Variants in ULK2 observed in about 807,000 individuals in gnomAD.
ULK2 encodes unc-51 like autophagy activating kinase 2.
In ULK2, 76 loss-of-function variants were observed where a neutral mutation model predicts 127.5. That is an observed-to-expected ratio of 0.60 (90% CI 0.50 to 0.72). ULK2 has a LOEUF of 0.72. Among genes scored for constraint, ULK2 ranks in the 30% least tolerant of loss-of-function variants. The probability of loss-of-function intolerance (pLI) is 0.00; values close to 1 mark genes in which losing one functional copy is unlikely to be tolerated. For missense variants in ULK2, 1,144 were observed against 1,295.9 expected, an observed-to-expected ratio of 0.88 and a Z score of 1.80; for synonymous variants, 452 against 461.9, an observed-to-expected ratio of 0.98 and a Z score of 0.28.
In ULK2 at chr17:19,846,727, G is replaced by A. The variant is rs1448848611; in HGVS notation, c.469+10C>T. 5.7e-6 allele frequency: 9 copies of A among 1,589,374 alleles called. No homozygotes were observed. In the East Asian group the frequency reaches 6.9e-5, roughly 12 times the overall value. On this transcript the variant is annotated intron_variant, in intron 6 of 26. Transcript: ENST00000395544. ...ATGTCCTTTCCATGACACAATACAT[G>A]GCCATTTACCTATTTTGATGCGAAT...
At chr17:19,828,207 A>T (rs2152393542) in intron 10 of ULK2, among the ~76,000 whole-genome samples, 1 of 152,300 alleles carries the variant, frequency 6.6e-6, no homozygotes, top group African/African-American at 2.4e-5. Flanking sequence ...TCCCCAGAAA[A>T]ACAAAAGCTG....
chr17:19,861,342 C>T (rs1469857788), intron 3 of ULK2, among the ~76,000 whole-genome samples: 1 of 152,072 alleles, frequency 6.6e-6, no homozygotes, highest in Non-Finnish European at 1.5e-5. Flanking sequence ...GTCAGGAGAT[C>T]GAGACCATCC....
intron 17 of ULK2, 103 bp from the exon 18 acceptor site, chr17:19,797,785 T>C (rs1314047419): frequency 1.8e-6 from 2 of 1,107,640 alleles, no homozygotes; most frequent in East Asian, 3.0e-5. Flanking sequence ...CTGATAAATA[T>C]CTTATTTTTC....
intron 13 of ULK2, among the ~76,000 whole-genome samples, chr17:19,812,868 A>G (rs978981490): frequency 6.6e-6 from 1 of 152,210 alleles, no homozygotes; most frequent in South Asian, 2.1e-4. Context: ...AGAATTTTAT[A>G]TCCTTTCCCC....
At chr17:19,841,039 A>G (rs2041739261) in intron 9 of ULK2, among the ~76,000 whole-genome samples, 1 of 152,220 alleles carries the variant, frequency 6.6e-6, no homozygotes. Flanking sequence ...ATAAATACAT[A>G]CATAAACAAG....
chr17:19,825,439 G>C (rs866788044), intron 11 of ULK2, among the ~76,000 whole-genome samples: 31 of 152,212 alleles, frequency 2.0e-4, no homozygotes, highest in African/African-American at 7.5e-4. Flanking sequence ...GCTGGGAGCA[G>C]AGGCTCACTC....
chr17:19,835,993 C>T (rs2041586913), intron 10 of ULK2, among the ~76,000 whole-genome samples: 1 of 151,022 alleles, frequency 6.6e-6, no homozygotes, highest in African/African-American at 2.4e-5. Context: ...TGGGCCGCGC[C>T]CGGTGGCTCA....
intron 18 of ULK2, 62 bp downstream of exon 18, chr17:19,797,334 T>G (rs563817782): frequency 4.7e-6 from 7 of 1,478,782 alleles, no homozygotes; most frequent in Non-Finnish European, 6.3e-6. Context: ...ATTCTCATAA[T>G]GAATCCTTTC....
At chr17:19,800,933 A>G (rs1427141314) in intron 16 of ULK2, among the ~76,000 whole-genome samples, 1 of 152,070 alleles carries the variant, frequency 6.6e-6, no homozygotes, top group Non-Finnish European at 1.5e-5. Context: ...GATATGGTAC[A>G]TGGTTTGTTT....
At position 19,777,661 on chromosome 17, in the gene ULK2, C is replaced by T. The variant is rs1306192989; in HGVS notation, c.2972G>A (p.Arg991His). Residue 991 changes from arginine to histidine, a missense_variant, in exon 26 of 27, where the codon CGC (arginine) becomes CAC (histidine). Transcript: ENST00000395544. ...CAAAAGAAGGGCTGCCTTATGATAGCGATAAACAATATCTTCGGTCTGCTG... is the reference window on the plus strand; with the variant it reads ...CAAAAGAAGGGCTGCCTTATGATAGTGATAAACAATATCTTCGGTCTGCTG... ...MFQQTEDIVY[R>H]YHKAALLLEG... 14 of 1,613,938 alleles carry T rather than the reference C, an allele frequency of 8.7e-6. No homozygotes were observed. The highest frequency in any genetic ancestry group is 2.2e-5 in the South Asian group (2 of 91,078).
chr17:19,822,781 G>C (rs915625117), intron 12 of ULK2, among the ~76,000 whole-genome samples: 8 of 152,052 alleles, frequency 5.3e-5, no homozygotes, highest in East Asian at 1.9e-4. Context: ...CCGCCTCCCG[G>C]GTTCAAGCGA....
intron 3 of ULK2, among the ~76,000 whole-genome samples, chr17:19,859,461 G>A (rs2042198872): frequency 6.6e-6 from 1 of 152,226 alleles, no homozygotes; most frequent in Non-Finnish European, 1.5e-5. Flanking sequence ...AGAGGTTGCA[G>A]TGAGCTGAGA....
rs1390952866 is a variant in ULK2 at position 19,786,093 on chromosome 17, CA to C, written c.2102-8del. 1.3e-6 allele frequency: 2 copies of C among 1,558,460 alleles called. No individual in the cohort carries two copies. Among genetic ancestry groups the C allele is most frequent in the African/African-American group, 1.4e-5 (1 of 70,530 alleles). On this transcript the variant is annotated splice_polypyrimidine_tract_variant and splice_region_variant and intron_variant, in intron 20 of 26. Transcript: ENST00000395544. The stretch of plus-strand genomic sequence containing the variant: ...CCACAGGCTCCTGCCGGAGCTACAA[CA>C]AAAAGTTTATAGAAGGTCATATTAC...
chr17:19,783,331 A>G lies in ULK2; in HGVS notation c.2460+366T>C, dbSNP rs1247169853. On this transcript the variant is annotated intron_variant, in intron 22 of 26. Coordinates refer to ENST00000395544, the MANE Select transcript of ULK2 (RefSeq NM_014683.4). Reference sequence around the variant, plus strand: ...CCGGGCATGGTGGCGTGTGCCTGTAATCCCAGCTACTCGTGGGGGCTGAGG... The same window carrying G: ...CCGGGCATGGTGGCGTGTGCCTGTAGTCCCAGCTACTCGTGGGGGCTGAGG... 2.0e-5 allele frequency among the ~76,000 whole-genome samples: 3 copies of G among 152,014 alleles called. No homozygotes were observed. The East Asian group carries it at 5.8e-4, about 29-fold the overall frequency.
chr17:19,778,349 T>C (rs563731087), intron 25 of ULK2, among the ~76,000 whole-genome samples: 1 of 152,218 alleles, frequency 6.6e-6, no homozygotes, highest in Non-Finnish European at 1.5e-5. Context: ...CTCTAACCTA[T>C]ATTACGGAAG....
At chr17:19,849,653 G>C in intron 4 of ULK2, 89 bp downstream of exon 4, 1 of 953,146 alleles carries the variant, frequency 1.0e-6, no homozygotes, top group Non-Finnish European at 1.5e-6. Context: ...AATCAAAAAG[G>C]ATTTGAAATA....
intron 25 of ULK2, 33 bp from the exon 26 acceptor site, chr17:19,777,749 A>C: frequency 6.3e-7 from 1 of 1,575,578 alleles, no homozygotes. Context: ...CAATTCTCTC[A>C]ATTTTTCCAA....
At chr17:19,793,188 G>A (rs545845409) in intron 20 of ULK2, among the ~76,000 whole-genome samples, 12 of 152,094 alleles carry the variant, frequency 7.9e-5, no homozygotes, top group Non-Finnish European at 1.6e-4. Flanking sequence ...GCGGGGAAGA[G>A]CCCCTTATAA....
intron 10 of ULK2, among the ~76,000 whole-genome samples, chr17:19,830,729 T>C (rs113820800): frequency 0.031 from 4,685 of 151,862 alleles, 225 homozygotes; most frequent in African/African-American, 0.11. Context: ...TTTCGCACAC[T>C]ATAAAGAACT....
Sources: allele counts gnomAD v4.1 joint callset (sites outside exome capture counted in the v4.1 genomes callset), GRCh38; gene constraint gnomAD v4.1.1; transcripts MANE v1.5; gene names NCBI Gene and HGNC (gene_info 2026-07-23, HGNC 2026-07-21).